The following XRCC1 variants were observed in gnomAD, a reference collection of about 807,000 sequenced individuals.
The protein encoded by XRCC1 is X-ray repair cross complementing 1.
A neutral mutation model predicts 83.3 loss-of-function variants in XRCC1; 52 were observed. The observed-to-expected ratio is 0.62, with a 90% confidence interval of 0.50 to 0.79. The LOEUF (loss-of-function observed/expected upper bound fraction) is 0.79, where lower values mean the gene tolerates loss of function less well. Among genes scored for constraint, XRCC1 ranks in the 30% least tolerant of loss-of-function variants. The probability of loss-of-function intolerance (pLI) is 0.00; values close to 1 mark genes in which losing one functional copy is unlikely to be tolerated. For missense variants in XRCC1, 793 were observed against 823.5 expected (o/e 0.96, Z 0.45); for synonymous variants, 281 against 312.6 (o/e 0.90, Z 1.07).
chr19:43,544,316 G>T, intron 14 of XRCC1, 82 bp from the exon 15 acceptor site: 2 of 1,251,912 alleles, frequency 1.6e-6, no homozygotes, highest in Non-Finnish European at 2.3e-6. Flanking sequence ...GGCTGACCCA[G>T]CAGCTGAGGA....
rs1332658830 is a variant in XRCC1, at chr19:43,551,484, G to C, written c.1199+87C>G. The C allele has an allele frequency of 9.2e-6, 11 of 1,196,320 alleles. No individual in the cohort carries two copies. The East Asian group carries it at 2.6e-4, about 28-fold the overall frequency. The allele number at this position is 1,196,320 out of a possible 1,614,324, so 74.1% of individuals were successfully genotyped here. On this transcript the variant is annotated intron_variant, in intron 10 of 16. Coordinates refer to ENST00000262887, the MANE Select transcript of XRCC1 (RefSeq NM_006297.3). The stretch of plus-strand genomic sequence containing the variant: ...TGGGCTGGGACCACCTGTGTTCTCC[G>C]CTGGCAGGCCCCAGTCTGACTCCCC...
chr19:43,544,285 G>A (rs756957164), intron 14 of XRCC1, 51 bp from the exon 15 acceptor site: 1 of 1,514,890 alleles, frequency 6.6e-7, no homozygotes, highest in Non-Finnish European at 9.0e-7. Context: ...GGAGTTCCCA[G>A]GCACCAAACA....
At chr19:43,570,449 C>CA (rs1377650309) in intron 2 of XRCC1, among the ~76,000 whole-genome samples, 4 of 152,158 alleles carry the variant, frequency 2.6e-5, no homozygotes, top group Non-Finnish European at 5.9e-5. Flanking sequence ...CGAGATTTTG[C>CA]ATAACAATAA....
intron 2 of XRCC1, among the ~76,000 whole-genome samples, chr19:43,570,055 T>C (rs1972792820): frequency 6.6e-6 from 1 of 152,168 alleles, no homozygotes; most frequent in African/African-American, 2.4e-5. Flanking sequence ...AGGGCTGCAG[T>C]TTGCAAAGAG....
At chr19:43,543,745 T>A in intron 15 of XRCC1, 58 bp from the exon 16 acceptor site, 1 of 1,526,144 alleles carries the variant, frequency 6.6e-7, no homozygotes, top group East Asian at 2.3e-5. Flanking sequence ...ACTGACGTCC[T>A]ACTCCCCAGC....
chr19:43,560,021 C>T (rs1271747352), intron 3 of XRCC1, among the ~76,000 whole-genome samples: 1 of 151,722 alleles, frequency 6.6e-6, no homozygotes, highest in Non-Finnish European at 1.5e-5. Context: ...GCAGAAGTTG[C>T]AGTGAGCTGA....
At chr19:43,543,848 C>A (rs1972481294) in intron 15 of XRCC1, among the ~76,000 whole-genome samples, 161 bp from the exon 16 acceptor site, 1 of 152,136 alleles carries the variant, frequency 6.6e-6, no homozygotes, top group Non-Finnish European at 1.5e-5. Context: ...TTGCCACAGC[C>A]ACAATGACCA....
Position 43,543,311 on chromosome 19 carries a change from T to C in XRCC1, c.*81A>G. On this transcript the variant is annotated 3_prime_UTR_variant, in exon 17 of 17. Coordinates refer to ENST00000262887, the MANE Select transcript of XRCC1 (RefSeq NM_006297.3). ...CTTAGAGTTTTGGGAGACTCTTGGA[T>C]GAGAACCAACTCATCTTTATTAAAT... The C allele has an allele frequency of 7.2e-7, 1 of 1,382,622 alleles. No homozygotes were observed. Among genetic ancestry groups the C allele is most frequent in the Non-Finnish European group, 1.0e-6 (1 of 997,636 alleles). The allele number at this position is 1,382,622 out of a possible 1,614,324, so 85.6% of individuals were successfully genotyped here.
intron 10 of XRCC1, 66 bp from the exon 11 acceptor site, chr19:43,547,043 AC>A: frequency 6.7e-7 from 1 of 1,483,078 alleles, no homozygotes; most frequent in Non-Finnish European, 9.3e-7. Context: ...TCAGGAGGCA[AC>A]AGCCATTGGC....
intron 12 of XRCC1, 55 bp downstream of exon 12, chr19:43,546,540 T>C: frequency 1.9e-6 from 3 of 1,560,688 alleles, no homozygotes; most frequent in Non-Finnish European, 2.6e-6. Context: ...CCGCAGGCCC[T>C]CCTCCCTCAG....
At chr19:43,568,481 A>C (rs1475614489) in intron 2 of XRCC1, among the ~76,000 whole-genome samples, 1 of 152,078 alleles carries the variant, frequency 6.6e-6, no homozygotes, top group Admixed American at 6.6e-5. Flanking sequence ...TGAGTGACAG[A>C]GCGAGATTCT....
chr19:43,559,307 C>G (rs929174621), intron 3 of XRCC1, among the ~76,000 whole-genome samples: 5 of 151,380 alleles, frequency 3.3e-5, no homozygotes, highest in African/African-American at 1.2e-4. Flanking sequence ...CACAGTGAAA[C>G]CCTGTCTCTA....
chr19:43,550,295 A>C (rs1972562442), intron 10 of XRCC1, among the ~76,000 whole-genome samples: 2 of 152,136 alleles, frequency 1.3e-5, no homozygotes, highest in Admixed American at 1.3e-4. Context: ...AAAAAAAAAA[A>C]AGTCCGCAAA....
chr19:43,552,716 A>T, intron 8 of XRCC1, 81 bp downstream of exon 8: 1 of 1,338,616 alleles, frequency 7.5e-7, no homozygotes, highest in Non-Finnish European at 1.0e-6. Context: ...CCTCAGATTC[A>T]GGACAGCAGG....
intron 10 of XRCC1, 100 bp from the exon 11 acceptor site, chr19:43,547,077 G>C: frequency 8.7e-7 from 1 of 1,149,456 alleles, no homozygotes; most frequent in Non-Finnish European, 1.2e-6. Context: ...ACTCACTCTA[G>C]TGGGCCTCAT....
At chr19:43,554,064 T>C (rs1032399837) in intron 4 of XRCC1, among the ~76,000 whole-genome samples, 6 of 151,878 alleles carry the variant, frequency 4.0e-5, no homozygotes, top group African/African-American at 1.5e-4. Flanking sequence ...AGCCAGAAAA[T>C]AGGAGAAGTC....
intron 4 of XRCC1, among the ~76,000 whole-genome samples, chr19:43,554,160 T>G (rs1193319568): frequency 6.6e-6 from 1 of 152,150 alleles, no homozygotes; most frequent in Non-Finnish European, 1.5e-5. Context: ...AAGCACACCT[T>G]TAGTGTGTGG....
At chr19:43,574,689 C>A (rs1972836867) in intron 2 of XRCC1, 1 of 551,972 alleles carries the variant, frequency 1.8e-6, no homozygotes, top group Non-Finnish European at 3.3e-6. Context: ...GCCACCTGCC[C>A]AGGACCACAC....
At chr19:43,569,286 A>G (rs1972784176) in intron 2 of XRCC1, among the ~76,000 whole-genome samples, 1 of 152,040 alleles carries the variant, frequency 6.6e-6, no homozygotes, top group African/African-American at 2.4e-5. Context: ...CAGCCTAGAC[A>G]ACACAGTGAG....
Sources: allele counts gnomAD v4.1 joint callset (sites outside exome capture counted in the v4.1 genomes callset), GRCh38; gene constraint gnomAD v4.1.1; transcripts MANE v1.5; gene names NCBI Gene and HGNC (gene_info 2026-07-23, HGNC 2026-07-21).